Variants in SLC22A4 observed in about 807,000 individuals in gnomAD.
SLC22A4 encodes the protein ET transporter.
SLC22A4 carries 39 observed loss-of-function variants against 56.6 expected under a neutral mutation model. The ratio of observed to expected loss-of-function variants is 0.69; its 90% CI spans 0.53 to 0.90. The LOEUF is 0.90. SLC22A4 is among the 40% of genes least tolerant of loss of function. SLC22A4 has a pLI of 0.00. For missense variants in SLC22A4, 594 were observed against 696.5 expected, an observed-to-expected ratio of 0.85 and a Z score of 1.66; for synonymous variants, 241 against 281.4, an observed-to-expected ratio of 0.86 and a Z score of 1.44.
At position 132,294,613 on chromosome 5, in the gene SLC22A4, A is replaced by C; in HGVS notation, c.-4A>C. ...TTGCAAGTTTCGGAGCGGCAGTGGG[A>C]AGCATGCGGGACTACGACGAGGTGA... On this transcript the variant is annotated 5_prime_UTR_variant, in exon 1 of 10. Coordinates refer to ENST00000200652, the MANE Select transcript of SLC22A4 (RefSeq NM_003059.3). This position sits in a 1 kb window ranked among gnomAD's most constrained non-coding sequence, Gnocchi z 5.6. The C allele has an allele frequency of 6.2e-7, 1 of 1,614,124 alleles. No individual in the cohort carries two copies. The highest frequency in any genetic ancestry group is 8.5e-7 in the Non-Finnish European group (1 of 1,180,018).
intron 1 of SLC22A4, among the ~76,000 whole-genome samples, chr5:132,307,155 T>C (rs1158439946): frequency 6.6e-6 from 1 of 152,200 alleles, no homozygotes; most frequent in Non-Finnish European, 1.5e-5. Flanking sequence ...TAACTAGCCA[T>C]GTTTGTTTTT....
At chr5:132,300,726 C>T (rs1222476136) in intron 1 of SLC22A4, among the ~76,000 whole-genome samples, 1 of 152,202 alleles carries the variant, frequency 6.6e-6, no homozygotes, top group East Asian at 1.9e-4. Context: ...TCTGTCTCTG[C>T]AGTCAGGGCT....
chr5:132,339,099 C>A (rs1199642814), intron 8 of SLC22A4, among the ~76,000 whole-genome samples: 3 of 152,206 alleles, frequency 2.0e-5, no homozygotes, highest in African/African-American at 7.2e-5. Flanking sequence ...AATCCACATT[C>A]TTCTGCCATG....
chr5:132,310,815 G>A (rs1003365581), intron 1 of SLC22A4, among the ~76,000 whole-genome samples: 1 of 152,150 alleles, frequency 6.6e-6, no homozygotes, highest in Non-Finnish European at 1.5e-5. Context: ...GTGCTTCTGC[G>A]AATAAGCAGA....
chr5:132,340,797 TAG>T, intron 9 of SLC22A4, 97 bp downstream of exon 9: 1 of 1,170,208 alleles, frequency 8.5e-7, no homozygotes. Flanking sequence ...GAGTAATAAG[TAG>T]AGACTAGCTC....
At chr5:132,318,480 T>C (rs1380906047) in intron 3 of SLC22A4, among the ~76,000 whole-genome samples, 1 of 152,130 alleles carries the variant, frequency 6.6e-6, no homozygotes, top group East Asian at 1.9e-4. Flanking sequence ...TCGCCTCATA[T>C]CCTGGCAGCT....
intron 1 of SLC22A4, among the ~76,000 whole-genome samples, chr5:132,305,940 T>A (rs562901711): frequency 6.6e-6 from 1 of 152,314 alleles, no homozygotes; most frequent in South Asian, 2.1e-4. Context: ...TTATTGTTAG[T>A]ATGGCAGTGC....
chr5:132,298,062 A>G lies in SLC22A4; in HGVS notation c.393+3053A>G, dbSNP rs528875786. Among the ~76,000 whole-genome samples, 118 of 152,240 alleles carry G rather than the reference A, an allele frequency of 7.8e-4. 1 individual carries two copies. Among genetic ancestry groups the G allele is most frequent in the Non-Finnish European group, 1.3e-3 (87 of 68,040 alleles). ...GGGAGTGTAAAATGGTGCAGCCACTATGGAAAATAATGTGGTGGTCCCTAA... is the reference window on the plus strand; with the variant it reads ...GGGAGTGTAAAATGGTGCAGCCACTGTGGAAAATAATGTGGTGGTCCCTAA... On this transcript the variant is annotated intron_variant, in intron 1 of 9. Coordinates refer to ENST00000200652, the MANE Select transcript of SLC22A4 (RefSeq NM_003059.3).
chr5:132,299,857 A>G (rs1749872251), intron 1 of SLC22A4, among the ~76,000 whole-genome samples: 1 of 152,224 alleles, frequency 6.6e-6, no homozygotes, highest in African/African-American at 2.4e-5. Context: ...CTCTGATGTT[A>G]ACAATTTAAA....
At chr5:132,342,762 A>T (rs1751260803) in intron 9 of SLC22A4, among the ~76,000 whole-genome samples, 1 of 152,254 alleles carries the variant, frequency 6.6e-6, no homozygotes, top group Non-Finnish European at 1.5e-5. Flanking sequence ...ATGAAGAGGT[A>T]CATACAGAGA....
chr5:132,329,684 C>T (rs1338403446), intron 5 of SLC22A4, among the ~76,000 whole-genome samples: 4 of 152,236 alleles, frequency 2.6e-5, no homozygotes, highest in African/African-American at 4.8e-5. Flanking sequence ...TCTTAGAAAG[C>T]AATCTCAAGC....
chr5:132,301,350 T>C (rs1201932136), intron 1 of SLC22A4, among the ~76,000 whole-genome samples: 2 of 152,234 alleles, frequency 1.3e-5, no homozygotes, highest in Non-Finnish European at 2.9e-5. Flanking sequence ...CCAGCCTTCT[T>C]TGCAGGCCAC....
chr5:132,340,574 A>ATT lies in SLC22A4; in HGVS notation c.1454_1455insTT (p.Arg486SerfsTer12). The ATT allele has an allele frequency of 6.2e-7, 1 of 1,614,068 alleles. No individual in the cohort carries two copies. Among genetic ancestry groups the ATT allele is most frequent in the South Asian group, 1.1e-5 (1 of 91,088 alleles). On this transcript the variant is annotated frameshift_variant, in exon 9 of 10. Coordinates refer to ENST00000200652, the MANE Select transcript of SLC22A4 (RefSeq NM_003059.3). LOFTEE classifies it high-confidence loss of function. ...GTCCCGGGCTTTACAGGTGCTTACA[A>ATT]CAGAATGCTGCCCTACATCGTCATG... is the stretch of plus-strand genomic sequence containing the variant.
At chr5:132,309,870 T>C (rs1750139730) in intron 1 of SLC22A4, among the ~76,000 whole-genome samples, 1 of 152,254 alleles carries the variant, frequency 6.6e-6, no homozygotes, top group Admixed American at 6.5e-5. Flanking sequence ...CTATCTATCC[T>C]GCCCTAAGGC....
rs558087632 is a variant in SLC22A4 at position 132,340,663 on chromosome 5, C to A, written c.1543C>A (p.Leu515Ile). 1.2e-6 allele frequency: 2 copies of A among 1,613,992 alleles called. No individual in the cohort carries two copies. Among genetic ancestry groups the A allele is most frequent in the South Asian group, 2.2e-5 (2 of 91,084 alleles). Residue 515 changes from leucine (L) to isoleucine (I), a missense_variant, in exon 9 of 10, where the codon CTT becomes ATT. By Grantham distance (5) the Leu-to-Ile change is conservative (BLOSUM62 2). Coordinates refer to ENST00000200652, the MANE Select transcript of SLC22A4 (RefSeq NM_003059.3). ...LFFPESLGMTLPETLEQMQKV... is the reference protein window; with the variant it reads ...LFFPESLGMTIPETLEQMQKV... ...TTTCCCTGAAAGTTTGGGAATGACT[C>A]TTCCAGAAACCTTAGAGCAGATGCA...
At chr5:132,321,995 A>G (rs1248160375) in intron 3 of SLC22A4, among the ~76,000 whole-genome samples, 189 bp from the exon 4 acceptor site, 1 of 152,202 alleles carries the variant, frequency 6.6e-6, no homozygotes, top group African/African-American at 2.4e-5. Context: ...TCAACCTTCT[A>G]TAAGTTGCCA....
chr5:132,294,609 T>G lies in SLC22A4; in HGVS notation c.-8T>G, dbSNP rs1242126944. The G allele has an allele frequency of 6.2e-7, 1 of 1,614,080 alleles. No homozygotes were observed. Among genetic ancestry groups the G allele is most frequent in the Admixed American group, 1.7e-5 (1 of 60,032 alleles). On this transcript the variant is annotated 5_prime_UTR_variant, in exon 1 of 10. Coordinates refer to ENST00000200652, the MANE Select transcript of SLC22A4 (RefSeq NM_003059.3). The surrounding 1 kb of genome is among the most constrained non-coding windows in gnomAD (Gnocchi z 5.6). ...GTAGTTGCAAGTTTCGGAGCGGCAG[T>G]GGGAAGCATGCGGGACTACGACGAG...
chr5:132,305,124 A>G (rs547317841), intron 1 of SLC22A4, among the ~76,000 whole-genome samples: 2 of 152,328 alleles, frequency 1.3e-5, no homozygotes, highest in East Asian at 3.9e-4. Flanking sequence ...GTAAAAGTAT[A>G]CAATAATTGA....
At chr5:132,335,297 C>T (rs1317854532) in intron 7 of SLC22A4, among the ~76,000 whole-genome samples, 3 of 152,148 alleles carry the variant, frequency 2.0e-5, no homozygotes, top group South Asian at 2.1e-4. Context: ...TAGGACATGT[C>T]GGTTCCAGGA....
Sources: gnomAD v4.1 joint callset for allele counts (sites outside exome capture counted in the v4.1 genomes callset) on GRCh38, gnomAD v4.1.1 for gene constraint, Gnocchi (gnomAD v3.1) non-coding constraint, MANE v1.5 for transcripts, NCBI Gene and HGNC (gene_info 2026-07-23, HGNC 2026-07-21) for gene names.